Variants in PLPP1 observed in about 807,000 individuals in gnomAD.
PLPP1 encodes phospholipid phosphatase 1, also known as lipid phosphate phosphohydrolase 1a.
Under a neutral mutation model 31.2 loss-of-function variants are expected in PLPP1, and 24 were observed. That is an observed-to-expected ratio of 0.77 (90% CI 0.56 to 1.08). The LOEUF (loss-of-function observed/expected upper bound fraction) is 1.08, where lower values mean the gene tolerates loss of function less well. Among genes scored for constraint, PLPP1 ranks in the 50% least tolerant of loss-of-function variants. PLPP1 has a pLI of 0.00. For missense variants in PLPP1, 319 were observed against 342.7 expected, an observed-to-expected ratio of 0.93 and a Z score of 0.55; for synonymous variants, 146 against 126.3, an observed-to-expected ratio of 1.16 and a Z score of -1.05.
intron 4 of PLPP1, among the ~76,000 whole-genome samples, chr5:55,428,189 A>G (rs1364600139): frequency 6.6e-6 from 1 of 152,206 alleles, no homozygotes; most frequent in Admixed American, 6.5e-5. Flanking sequence ...TGAAACTCTG[A>G]CCATGGACCC....
intron 1 of PLPP1, among the ~76,000 whole-genome samples, chr5:55,476,098 C>T (rs1427528139): frequency 2.0e-5 from 3 of 151,694 alleles, no homozygotes; most frequent in African/African-American, 7.3e-5. Context: ...CCCGCTTCAG[C>T]TTCTTGAGCA....
At chr5:55,466,657 CA>C (rs1255195160) in intron 3 of PLPP1, among the ~76,000 whole-genome samples, 3 of 151,520 alleles carry the variant, frequency 2.0e-5, no homozygotes, top group African/African-American at 7.3e-5. Context: ...GAGCCAAGAT[CA>C]TGCCACTGCA....
At chr5:55,450,492 A>G (rs1751868838) in intron 3 of PLPP1, among the ~76,000 whole-genome samples, 1 of 152,218 alleles carries the variant, frequency 6.6e-6, no homozygotes, top group African/African-American at 2.4e-5. Context: ...AACTCGGTAT[A>G]TCTTGAAAAT....
intron 1 of PLPP1, among the ~76,000 whole-genome samples, chr5:55,488,084 A>G (rs1752811042): frequency 6.6e-6 from 1 of 152,066 alleles, no homozygotes; most frequent in Non-Finnish European, 1.5e-5. Context: ...TAACAAACAA[A>G]TAAATAAATA....
intron 1 of PLPP1, among the ~76,000 whole-genome samples, chr5:55,533,979 A>G (rs930307815): frequency 3.3e-5 from 5 of 152,286 alleles, no homozygotes; most frequent in Admixed American, 3.3e-4. Flanking sequence ...GCAGACAAGG[A>G]AACAGGTCTG....
intron 1 of PLPP1, among the ~76,000 whole-genome samples, chr5:55,490,755 A>G (rs1464260980): frequency 6.6e-6 from 1 of 152,180 alleles, no homozygotes; most frequent in African/African-American, 2.4e-5. Flanking sequence ...CTTCAGAATG[A>G]CATCAAGTTG....
In PLPP1 at chr5:55,469,471, G is replaced by A. The variant is rs181838502; in HGVS notation, c.211-1322C>T. Among the ~76,000 whole-genome samples the A allele has an allele frequency of 2.5e-3, 368 of 148,970 alleles. 2 individuals carry two copies. In the Middle Eastern group the frequency reaches 0.028, roughly 11 times the overall value. On this transcript the variant is annotated intron_variant, in intron 2 of 5. Coordinates refer to ENST00000307259, the MANE Select transcript of PLPP1 (RefSeq NM_003711.4). ...CGCCACTGCACTCCAGCCTGGGTGC[G>A]ACACAGCGAGACCCCATCTCAAAAA...
intron 1 of PLPP1, chr5:55,491,142 C>T: frequency 1.2e-6 from 2 of 1,601,716 alleles, no homozygotes; most frequent in African/African-American, 2.7e-5. Context: ...AAAAGACACA[C>T]ATGATTAAAT....
At chr5:55,524,507 T>C (rs1753739331) in intron 1 of PLPP1, among the ~76,000 whole-genome samples, 1 of 152,114 alleles carries the variant, frequency 6.6e-6, no homozygotes, top group Non-Finnish European at 1.5e-5. Flanking sequence ...ATTAAGGTCA[T>C]TCAAAAGTTT....
Position 55,441,915 on chromosome 5 carries a change from G to C in PLPP1, c.492-7C>G. ...GCCTGAATAGAAGGACAACCTGGAA[G>C]AAAAAGAAGACAAATGTTACTTTTC... On this transcript the variant is annotated splice_region_variant and splice_polypyrimidine_tract_variant and intron_variant, in intron 3 of 5. Transcript: ENST00000307259. The C allele has an allele frequency of 6.2e-7, 1 of 1,612,242 alleles. No homozygotes were observed. Among genetic ancestry groups the C allele is most frequent in the Non-Finnish European group, 8.5e-7 (1 of 1,178,288 alleles).
chr5:55,500,009 G>A (rs1334568851), intron 1 of PLPP1, among the ~76,000 whole-genome samples: 1 of 150,632 alleles, frequency 6.6e-6, no homozygotes, highest in African/African-American at 2.4e-5. Flanking sequence ...TAATCAATGA[G>A]TATACAGCAT....
chr5:55,489,542 G>T (rs936045132), intron 1 of PLPP1, among the ~76,000 whole-genome samples: 7 of 152,020 alleles, frequency 4.6e-5, no homozygotes, highest in African/African-American at 1.7e-4. Flanking sequence ...AATCAAATTA[G>T]AATTATATGA....
Position 55,425,044 on chromosome 5 carries a change from TA to T in PLPP1, c.*161del. 1.0e-6 allele frequency: 1 copy of T among 997,132 alleles called. No homozygotes were observed. Among genetic ancestry groups the T allele is most frequent in the Non-Finnish European group, 1.5e-6 (1 of 679,896 alleles). The allele number at this position is 997,132 out of a possible 1,614,324, so 61.8% of individuals were successfully genotyped here. A position where few individuals can be genotyped will look rare whatever the true frequency, so the allele number is the denominator to read the frequency against. On this transcript the variant is annotated 3_prime_UTR_variant, in exon 6 of 6. Coordinates refer to ENST00000307259, the MANE Select transcript of PLPP1 (RefSeq NM_003711.4). ...TAGAGCTATTAGATAACCACTGAGT[TA>T]AAGGTAACTATGTACACACAAAGTG...
In PLPP1 at chr5:55,449,515, C is replaced by T. The variant is rs868642273; in HGVS notation, c.492-7607G>A. Among the ~76,000 whole-genome samples the T allele has an allele frequency of 2.6e-5, 4 of 152,108 alleles. No individual in the cohort carries two copies. In the South Asian group the frequency reaches 6.2e-4, roughly 24 times the overall value. ...TTCTTGGCTAAAAGTGCCACTACTC[C>T]GAGTATAAACACAGCTCCCTACCTA... On this transcript the variant is annotated intron_variant, in intron 3 of 5. Coordinates refer to ENST00000307259, the MANE Select transcript of PLPP1 (RefSeq NM_003711.4).
intron 1 of PLPP1, among the ~76,000 whole-genome samples, chr5:55,522,967 G>A (rs1356282449): frequency 6.6e-6 from 1 of 151,864 alleles, no homozygotes; most frequent in Non-Finnish European, 1.5e-5. Context: ...ATCCACCCAC[G>A]TTGGCCTCCC....
chr5:55,530,900 G>C (rs1740640415), intron 1 of PLPP1, among the ~76,000 whole-genome samples: 1 of 152,198 alleles, frequency 6.6e-6, no homozygotes, highest in East Asian at 1.9e-4. Flanking sequence ...ACAAGGCGAT[G>C]GTGACAGCGG....
rs540032542 is a variant in PLPP1, at chr5:55,522,034, TAC to T, written c.58+12536_58+12537del. On this transcript the variant is annotated intron_variant, in intron 1 of 5. Transcript: ENST00000307259. ...CCAATTAACTGAAGGGCTCATCTGC[TAC>T]ACGTTTCCTATATGTCATTTTCCTG... is the stretch of plus-strand genomic sequence containing the variant. Among the ~76,000 whole-genome samples the T allele has an allele frequency of 2.0e-4, 31 of 152,320 alleles. No individual in the cohort carries two copies. In the East Asian group the frequency reaches 5.6e-3, roughly 27 times the overall value.
intron 1 of PLPP1, among the ~76,000 whole-genome samples, chr5:55,489,133 G>A (rs1752834442): frequency 6.6e-6 from 1 of 152,184 alleles, no homozygotes; most frequent in Admixed American, 6.5e-5. Context: ...GGGAGGCAGA[G>A]ATTGCAGTGA....
intron 4 of PLPP1, among the ~76,000 whole-genome samples, chr5:55,437,377 G>GT (rs1279539208): frequency 2.6e-5 from 4 of 151,964 alleles, no homozygotes; most frequent in Admixed American, 2.0e-4. Context: ...TGTTAATAAA[G>GT]TAAGAACTTT....
Sources: allele counts gnomAD v4.1 joint callset (sites outside exome capture counted in the v4.1 genomes callset), GRCh38; gene constraint gnomAD v4.1.1; transcripts MANE v1.5; gene names NCBI Gene and HGNC (gene_info 2026-07-23, HGNC 2026-07-21).